The following NEDD4 variants were observed in gnomAD, a reference collection of about 807,000 sequenced individuals.
The protein encoded by NEDD4 is E3 ubiquitin-protein ligase NEDD4.
Under a neutral mutation model 144.9 loss-of-function variants are expected in NEDD4, and 99 were observed. The observed-to-expected ratio is 0.68, with a 90% CI of 0.58 to 0.81. The LOEUF is 0.81. Ranked by LOEUF, NEDD4 falls within the 30% of genes least tolerant of loss-of-function variation. NEDD4 has a pLI of 0.00. For synonymous variants in NEDD4, 318 were observed against 350.6 expected (o/e 0.91, Z 1.04); for missense variants, 985 against 1,065.9 (o/e 0.92, Z 1.06).
At chr15:55,842,333 G>C (rs1472709746) in intron 18 of NEDD4, among the ~76,000 whole-genome samples, 170 bp from the exon 19 acceptor site, 1 of 152,122 alleles carries the variant, frequency 6.6e-6, no homozygotes, top group Non-Finnish European at 1.5e-5. Flanking sequence ...TTTCCTCTAT[G>C]GTATGAGACA....
Position 55,852,518 on chromosome 15 carries a change from G to C in NEDD4, c.1052C>G (p.Pro351Arg). The C allele has an allele frequency of 6.2e-7, 1 of 1,612,398 alleles. No individual in the cohort carries two copies. Among genetic ancestry groups the C allele is most frequent in the Non-Finnish European group, 8.5e-7 (1 of 1,179,182 alleles). Residue 351 changes from proline to arginine, a missense_variant, in exon 13 of 29, where the codon CCA becomes CGA. Coordinates refer to ENST00000435532, the MANE Select transcript of NEDD4 (RefSeq NM_006154.4). The part of the protein sequence containing the change: ...PVLLPTSSGL[P>R]PGWEEKQDER... ...ATCTTGTTTTTCTTCCCAACCTGGT[G>C]GTAATCCAGATGAAGTAGGCAAAAG...
rs1250048024 is a variant in NEDD4, at chr15:55,993,548, G to T, written c.8C>A (p.Thr3Asn). 21 of 1,596,084 alleles carry T rather than the reference G, an allele frequency of 1.3e-5. No individual in the cohort carries two copies. The highest frequency in any genetic ancestry group is 1.7e-5 in the Non-Finnish European group (20 of 1,173,596). Residue 3 changes from threonine (T) to asparagine (N), a missense_variant, in exon 1 of 29, where the codon ACT (threonine) becomes AAT (asparagine). Coordinates refer to ENST00000435532, the MANE Select transcript of NEDD4 (RefSeq NM_006154.4). Reference sequence around the variant, plus strand: ...GAGCCCGAACACCTCCACCGCGCAAGTTGCCATTTCCGAACGCTTCCAGCA... The same window carrying T: ...GAGCCCGAACACCTCCACCGCGCAATTTGCCATTTCCGAACGCTTCCAGCA... The part of the protein sequence containing the change: MA[T>N]CAVEVFGLLE...
At chr15:55,927,298 C>CAG (rs1341126214) in intron 4 of NEDD4, among the ~76,000 whole-genome samples, 4 of 151,672 alleles carry the variant, frequency 2.6e-5, no homozygotes, top group African/African-American at 9.7e-5. Flanking sequence ...GGAAATGAGA[C>CAG]AGACAAAGAC....
chr15:55,939,028 C>G (rs1195797060), intron 4 of NEDD4, among the ~76,000 whole-genome samples: 3 of 152,120 alleles, frequency 2.0e-5, no homozygotes, highest in African/African-American at 7.2e-5. Context: ...ATCATTTCAG[C>G]CTAGAAGGTT....
intron 2 of NEDD4, among the ~76,000 whole-genome samples, chr15:55,960,606 T>C (rs1307002337): frequency 1.3e-5 from 2 of 152,214 alleles, no homozygotes; most frequent in Non-Finnish European, 2.9e-5. Context: ...AGATGGCCAA[T>C]AGTGGGACAT....
At chr15:55,970,151 G>A (rs2037583369) in intron 1 of NEDD4, among the ~76,000 whole-genome samples, 1 of 152,108 alleles carries the variant, frequency 6.6e-6, no homozygotes, top group Non-Finnish European at 1.5e-5. Flanking sequence ...CTGGGGCAGT[G>A]GTGGCCATGG....
intron 2 of NEDD4, among the ~76,000 whole-genome samples, chr15:55,963,207 T>C (rs2037455328): frequency 6.7e-6 from 1 of 150,090 alleles, no homozygotes; most frequent in Non-Finnish European, 1.5e-5. Context: ...TCATGGCTCA[T>C]TGGAGCCTTG....
At chr15:55,894,470 G>C (rs753979414) in intron 5 of NEDD4, among the ~76,000 whole-genome samples, 12 of 152,160 alleles carry the variant, frequency 7.9e-5, no homozygotes, top group African/African-American at 2.2e-4. Context: ...AATACCAAGA[G>C]ACACCGGTAC....
intron 18 of NEDD4, among the ~76,000 whole-genome samples, chr15:55,844,073 T>A (rs1477434155): frequency 6.6e-6 from 1 of 151,834 alleles, no homozygotes; most frequent in African/African-American, 2.4e-5. Context: ...AATGAGGCAA[T>A]CAAGAAGGCT....
intron 1 of NEDD4, among the ~76,000 whole-genome samples, chr15:55,976,778 G>A (rs1436944553): frequency 2.7e-5 from 4 of 146,352 alleles, no homozygotes; most frequent in Admixed American, 7.0e-5. Flanking sequence ...ACAGGCGCCC[G>A]CCACCACACC....
intron 24 of NEDD4, among the ~76,000 whole-genome samples, chr15:55,837,040 A>G (rs2033238010): frequency 6.6e-6 from 1 of 152,224 alleles, no homozygotes; most frequent in Admixed American, 6.5e-5. Context: ...GAAAAATTTA[A>G]GTAACTTTTT....
At chr15:55,986,724 G>A (rs1483896871) in intron 1 of NEDD4, among the ~76,000 whole-genome samples, 1 of 150,954 alleles carries the variant, frequency 6.6e-6, no homozygotes, top group Non-Finnish European at 1.5e-5. Context: ...CGAGTAGCTG[G>A]GACTACAGGC....
intron 4 of NEDD4, among the ~76,000 whole-genome samples, chr15:55,930,947 C>T (rs1400617017): frequency 6.6e-6 from 1 of 152,078 alleles, no homozygotes; most frequent in African/African-American, 2.4e-5. Context: ...CTAGCAGCAT[C>T]AGAATGGACT....
At chr15:55,896,665 G>T (rs1337303801) in intron 5 of NEDD4, among the ~76,000 whole-genome samples, 1 of 152,134 alleles carries the variant, frequency 6.6e-6, no homozygotes, top group South Asian at 2.1e-4. Context: ...TCAGGCTCCA[G>T]GTTAAGTTCA....
At chr15:55,873,055 T>C (rs944877409) in intron 6 of NEDD4, among the ~76,000 whole-genome samples, 12 of 152,228 alleles carry the variant, frequency 7.9e-5, no homozygotes, top group Non-Finnish European at 7.3e-5. Context: ...TTCTCTGATG[T>C]TCTGCATTGT....
chr15:55,949,794 C>A (rs2037204110), intron 4 of NEDD4, among the ~76,000 whole-genome samples: 1 of 151,848 alleles, frequency 6.6e-6, no homozygotes, highest in African/African-American at 2.4e-5. Flanking sequence ...CACACTGGGG[C>A]CTGTCATGGG....
intron 11 of NEDD4, among the ~76,000 whole-genome samples, chr15:55,859,750 A>T (rs547749722): frequency 6.6e-6 from 1 of 152,292 alleles, no homozygotes; most frequent in Admixed American, 6.5e-5. Flanking sequence ...TGGGAGAGAG[A>T]AAAGCAGTCC....
At chr15:55,869,749 T>C (rs2034708748) in intron 7 of NEDD4, 68 bp from the exon 8 acceptor site, 1 of 1,016,906 alleles carries the variant, frequency 9.8e-7, no homozygotes, top group Non-Finnish European at 1.5e-6. Flanking sequence ...TTAATAAGAG[T>C]TTAATGAACA....
In NEDD4 at chr15:55,849,197, G is replaced by T. The variant is rs528142754; in HGVS notation, c.1348-311C>A. Among the ~76,000 whole-genome samples, 49 of 152,234 alleles carry T rather than the reference G, an allele frequency of 3.2e-4. No individual in the cohort carries two copies. The South Asian group carries it at 9.9e-3, about 31-fold the overall frequency. ...TCTCTATGTAAAAACTGGTGAAAGAGTAGGACATTAAATTGGACCACATGA... is the reference window on the plus strand; with the variant it reads ...TCTCTATGTAAAAACTGGTGAAAGATTAGGACATTAAATTGGACCACATGA... On this transcript the variant is annotated intron_variant, in intron 14 of 28. Transcript: ENST00000435532.
Sources: gnomAD v4.1 joint callset for allele counts (sites outside exome capture counted in the v4.1 genomes callset) on GRCh38, gnomAD v4.1.1 for gene constraint, MANE v1.5 for transcripts, NCBI Gene and HGNC (gene_info 2026-07-23, HGNC 2026-07-21) for gene names.